The following LRR1 variants were observed in gnomAD, a reference collection of about 807,000 sequenced individuals.
The protein encoded by LRR1 is leucine rich repeat protein 1.
LRR1 carries 29 observed loss-of-function variants against 31.6 expected under a neutral mutation model. The ratio of observed to expected loss-of-function variants is 0.92; its 90% CI spans 0.68 to 1.25. The LOEUF is 1.25. Among genes scored for constraint, LRR1 ranks in the 50% most tolerant of loss-of-function variants. The pLI is 0.00. For missense variants in LRR1, 485 were observed against 487.2 expected (o/e 1.00, Z 0.04); for synonymous variants, 179 against 181.4 (o/e 0.99, Z 0.10).
intron 1 of LRR1, chr14:49,600,083 C>G: frequency 1.9e-6 from 3 of 1,596,744 alleles, no homozygotes; most frequent in Non-Finnish European, 2.6e-6. Flanking sequence ...TGAGCTGTGC[C>G]AACGACGCCT....
intron 3 of LRR1, among the ~76,000 whole-genome samples, chr14:49,613,370 T>TGGCGTGTGCCTGTAATCCCA (rs1882585385): frequency 6.6e-6 from 1 of 150,814 alleles, no homozygotes; most frequent in African/African-American, 2.4e-5. Context: ...CCGGGAATGT[T>TGGCGTGTGCCTGTAATCCCA]GGCGTGTGCC....
rs886320308 is a variant in LRR1 at position 49,600,545 on chromosome 14, T to C, written c.183+1342T>C. 1.1e-5 allele frequency: 17 copies of C among 1,575,608 alleles called. No homozygotes were observed. In the Admixed American group the frequency reaches 1.7e-4, roughly 16 times the overall value. ...ATGAGGCTATCATAGCCATTTTAAC[T>C]CCAAAGAAACACACTGTAAAAAAAA... is the stretch of plus-strand genomic sequence containing the variant. On this transcript the variant is annotated intron_variant, in intron 1 of 3. Transcript: ENST00000298288.
chr14:49,606,256 A>G (rs1285077608), intron 2 of LRR1, among the ~76,000 whole-genome samples: 2 of 151,946 alleles, frequency 1.3e-5, no homozygotes, highest in South Asian at 2.1e-4. Context: ...TGAACTCCTA[A>G]CCTCAGGTGA....
intron 2 of LRR1, among the ~76,000 whole-genome samples, chr14:49,603,961 G>A (rs909968915): frequency 1.7e-4 from 26 of 150,842 alleles, no homozygotes; most frequent in African/African-American, 6.1e-4. Context: ...AAAGTGCTGG[G>A]ATTATAGGCA....
At position 49,610,247 on chromosome 14, in the gene LRR1, G is replaced by GTT. The variant is rs397853358; in HGVS notation, c.1004+2140_1004+2141dup. Among the ~76,000 whole-genome samples, 331 of 139,530 alleles carry GTT rather than the reference G, an allele frequency of 2.4e-3. 3 individuals carry two copies. The highest frequency in any genetic ancestry group is 3.8e-3 in the Middle Eastern group (1 of 266). The allele number at this position is 139,530 out of a possible 152,430, so 91.5% of individuals were successfully genotyped here. The stretch of plus-strand genomic sequence containing the variant: ...GAGCACCAGATTCATTTTGTTGAGG[G>GTT]TTTTTTTTTTTTTTTGAGATGGAGT... On this transcript the variant is annotated intron_variant, in intron 3 of 3. Transcript: ENST00000298288.
intron 3 of LRR1, among the ~76,000 whole-genome samples, chr14:49,609,733 T>G (rs2139549729): frequency 6.6e-6 from 1 of 150,836 alleles, no homozygotes; most frequent in African/African-American, 2.4e-5. Context: ...TGAGATGGAG[T>G]CTTGTTCTGT....
chr14:49,599,301 G>T, intron 1 of LRR1, 98 bp downstream of exon 1: 1 of 1,352,306 alleles, frequency 7.4e-7, no homozygotes, highest in Non-Finnish European at 9.8e-7. Flanking sequence ...CTCCCTAGGC[G>T]AAAGCCCGCC....
chr14:49,613,110 C>T (rs531776290), intron 3 of LRR1, among the ~76,000 whole-genome samples: 3 of 152,176 alleles, frequency 2.0e-5, no homozygotes, highest in East Asian at 1.9e-4. Flanking sequence ...GAGGCCAAGG[C>T]GGACAGATCA....
At chr14:49,603,986 C>T (rs570197260) in intron 2 of LRR1, among the ~76,000 whole-genome samples, 91 of 151,532 alleles carry the variant, frequency 6.0e-4, no homozygotes, top group African/African-American at 2.1e-3. Flanking sequence ...CCACCGTGCC[C>T]GGACTGTAAT....
intron 3 of LRR1, among the ~76,000 whole-genome samples, chr14:49,610,990 C>G (rs751289498): frequency 1.3e-5 from 2 of 152,150 alleles, no homozygotes; most frequent in African/African-American, 2.4e-5. Context: ...GAGAGGGGCT[C>G]TTAAAACTGA....
At chr14:49,600,952 C>T (rs1882031222) in intron 1 of LRR1, 1 of 1,560,310 alleles carries the variant, frequency 6.4e-7, no homozygotes, top group Non-Finnish European at 8.7e-7. Context: ...TGACCATACA[C>T]ATTTCTGCAC....
At chr14:49,605,126 C>A (rs189784613) in intron 2 of LRR1, among the ~76,000 whole-genome samples, 51 of 152,258 alleles carry the variant, frequency 3.3e-4, no homozygotes, top group African/African-American at 1.1e-3. Flanking sequence ...AACTCCTGGG[C>A]TCAAGCAATC....
chr14:49,599,911 C>T lies in LRR1; in HGVS notation c.183+708C>T, dbSNP rs559324702. 91 of 1,106,870 alleles carry T rather than the reference C, an allele frequency of 8.2e-5. No individual in the cohort carries two copies. In the East Asian group the frequency reaches 2.5e-3, roughly 31 times the overall value. 68.6% of individuals were successfully genotyped at this position (1,106,870 alleles called of 1,614,324 possible). ...GGAGCGGCGGCGACGGCGGCGGACC[C>T]TCCAGGCGGGCTGAGGCTGAGCCCG... On this transcript the variant is annotated intron_variant, in intron 1 of 3. Coordinates refer to ENST00000298288, the MANE Select transcript of LRR1 (RefSeq NM_152329.4).
At position 49,607,519 on chromosome 14, in the gene LRR1, T is replaced by G. The variant is rs994877387; in HGVS notation, c.402T>G (p.Phe134Leu). The G allele has an allele frequency of 9.9e-6, 16 of 1,614,018 alleles. No homozygotes were observed. The highest frequency in any genetic ancestry group is 1.4e-5 in the Non-Finnish European group (16 of 1,180,012). Residue 134 changes from phenylalanine to leucine, a missense_variant, in exon 3 of 4, where the codon TTT (phenylalanine) becomes TTG (leucine). By Grantham distance (22) the Phe-to-Leu change is conservative. Transcript: ENST00000298288. ...TGAAGACTTCAGAATTTGAAAACTT[T>G]AAAACTAAAATGGTTATCACATCCA... ...TPVKTSEFEN[F>L]KTKMVITSKK...
intron 1 of LRR1, 102 bp downstream of exon 1, chr14:49,599,305 G>T: frequency 7.5e-7 from 1 of 1,340,904 alleles, no homozygotes; most frequent in East Asian, 2.5e-5. Flanking sequence ...CTAGGCGAAA[G>T]CCCGCCTTGG....
At chr14:49,605,664 C>G (rs557831411) in intron 2 of LRR1, among the ~76,000 whole-genome samples, 1 of 152,186 alleles carries the variant, frequency 6.6e-6, no homozygotes, top group Non-Finnish European at 1.5e-5. Flanking sequence ...TTCTTTGTCT[C>G]TTGCTTCCAG....
At chr14:49,606,020 CTT>C (rs57012174) in intron 2 of LRR1, among the ~76,000 whole-genome samples, 78 of 144,142 alleles carry the variant, frequency 5.4e-4, no homozygotes, top group Middle Eastern at 3.6e-3. Flanking sequence ...CAAAAATTAG[CTT>C]TTTTTTTTTT....
intron 3 of LRR1, among the ~76,000 whole-genome samples, 200 bp downstream of exon 3, chr14:49,608,321 C>G (rs570887045): frequency 6.7e-6 from 1 of 148,364 alleles, no homozygotes; most frequent in South Asian, 2.2e-4. Flanking sequence ...TCACTTCATT[C>G]AGTTTTCTGC....
chr14:49,607,834 G>A lies in LRR1; in HGVS notation c.717G>A (p.Lys239=). Reference sequence around the variant, plus strand: ...TGGACCTCAGCAAGAACAAAATCAAGGCACTCCCTGTGCAGTTTTGCCAGC... The same window carrying A: ...TGGACCTCAGCAAGAACAAAATCAAAGCACTCCCTGTGCAGTTTTGCCAGC... ...RSLDLSKNKI[K]ALPVQFCQLQ... The change falls in exon 3 of 4, where the codon AAG becomes AAA. Residue 239 remains lysine (K), a synonymous_variant. Coordinates refer to ENST00000298288, the MANE Select transcript of LRR1 (RefSeq NM_152329.4). 6.2e-7 allele frequency: 1 copy of A among 1,614,070 alleles called. No individual in the cohort carries two copies. Among genetic ancestry groups the A allele is most frequent in the East Asian group, 2.2e-5 (1 of 44,872 alleles).
Sources: gnomAD v4.1 joint callset for allele counts (sites outside exome capture counted in the v4.1 genomes callset) on GRCh38, gnomAD v4.1.1 for gene constraint, MANE v1.5 for transcripts, NCBI Gene and HGNC (gene_info 2026-07-23, HGNC 2026-07-21) for gene names.